Variants in PKIA observed in about 807,000 individuals in gnomAD.
The protein encoded by PKIA is PKI-alpha.
A neutral mutation model predicts 7.6 loss-of-function variants in PKIA; 4 were observed. The ratio of observed to expected loss-of-function variants is 0.52; its 90% CI spans 0.26 to 1.20. The LOEUF (loss-of-function observed/expected upper bound fraction) is 1.20, where lower values mean the gene tolerates loss of function less well. Ranked by LOEUF, PKIA falls within the 50% of genes most tolerant of loss-of-function variation. The pLI is 0.13. For missense variants in PKIA, 73 were observed against 86.2 expected, an observed-to-expected ratio of 0.85 and a Z score of 0.61; for synonymous variants, 21 against 30.7, an observed-to-expected ratio of 0.68 and a Z score of 1.04.
At chr8:78,564,136 A>G (rs1403090891) in intron 1 of PKIA, among the ~76,000 whole-genome samples, 1 of 152,024 alleles carries the variant, frequency 6.6e-6, no homozygotes, top group Non-Finnish European at 1.5e-5. Context: ...TAAAGAAGAA[A>G]GATGGGAATT....
At chr8:78,549,141 A>G (rs964049580) in intron 1 of PKIA, among the ~76,000 whole-genome samples, 1 of 152,074 alleles carries the variant, frequency 6.6e-6, no homozygotes, top group Non-Finnish European at 1.5e-5. Flanking sequence ...TGTTTATGTG[A>G]TTTAGATGAC....
chr8:78,540,446 C>T (rs889740789), intron 1 of PKIA, among the ~76,000 whole-genome samples: 1 of 151,934 alleles, frequency 6.6e-6, no homozygotes, highest in Non-Finnish European at 1.5e-5. Context: ...TAGTCAAATC[C>T]CTGCAGGGCC....
intron 1 of PKIA, among the ~76,000 whole-genome samples, chr8:78,522,432 C>G (rs1394694283): frequency 1.3e-5 from 2 of 151,762 alleles, no homozygotes; most frequent in Non-Finnish European, 2.9e-5. Context: ...TTTGAGTACT[C>G]TAGATACTGT....
At chr8:78,543,858 G>A (rs1026374970) in intron 1 of PKIA, among the ~76,000 whole-genome samples, 9 of 152,000 alleles carry the variant, frequency 5.9e-5, no homozygotes, top group Admixed American at 2.6e-4. Context: ...AGTATACTCC[G>A]TATCCTGGCA....
At chr8:78,537,325 CTA>C (rs1806553969) in intron 1 of PKIA, among the ~76,000 whole-genome samples, 4 of 152,070 alleles carry the variant, frequency 2.6e-5, no homozygotes, top group South Asian at 4.1e-4. Flanking sequence ...AAATTTATCT[CTA>C]TGAAGATTTT....
intron 2 of PKIA, among the ~76,000 whole-genome samples, chr8:78,594,049 A>G (rs1325778473): frequency 6.6e-6 from 1 of 152,140 alleles, no homozygotes; most frequent in Non-Finnish European, 1.5e-5. Context: ...ATTGTATGTG[A>G]TTAAAATATT....
At chr8:78,519,676 A>G (rs986127784) in intron 1 of PKIA, among the ~76,000 whole-genome samples, 2 of 152,068 alleles carry the variant, frequency 1.3e-5, no homozygotes, top group Non-Finnish European at 2.9e-5. Context: ...CTTGGATTCA[A>G]TATTTGTGTT....
chr8:78,601,727 G>A lies in PKIA; in HGVS notation c.152-15G>A, dbSNP rs79180810. 4,291 of 1,603,066 alleles carry A rather than the reference G, an allele frequency of 2.7e-3. 15 individuals are homozygous for A. Among genetic ancestry groups the A allele is most frequent in the Middle Eastern group, 6.3e-3 (38 of 6,020 alleles). On this transcript the variant is annotated splice_polypyrimidine_tract_variant and intron_variant, in intron 3 of 3. Coordinates refer to ENST00000396418, the MANE Select transcript of PKIA (RefSeq NM_006823.4). ...TTTATTTTGCCTTTATTCTGTTTTCGTTTTTCTTTTGCAGAAGGTGAAGAA... is the reference window on the plus strand; with the variant it reads ...TTTATTTTGCCTTTATTCTGTTTTCATTTTTCTTTTGCAGAAGGTGAAGAA...
intron 1 of PKIA, among the ~76,000 whole-genome samples, chr8:78,566,449 G>A (rs899295341): frequency 5.9e-5 from 9 of 151,918 alleles, no homozygotes; most frequent in African/African-American, 1.7e-4. Context: ...TAGCTTTTAG[G>A]TACCTGCTGT....
At position 78,522,538 on chromosome 8, in the gene PKIA, A is replaced by T. The variant is rs144340781; in HGVS notation, c.-157+6070A>T. ...TACTATCTTAAAAATGAATACAGAT[A>T]CTATAAGGAAATCAACTGAACATGA... On this transcript the variant is annotated intron_variant, in intron 1 of 3. Transcript: ENST00000396418. 8.0e-3 allele frequency among the ~76,000 whole-genome samples: 1,213 copies of T among 152,058 alleles called. 11 individuals are homozygous for T. Among genetic ancestry groups the T allele is most frequent in the African/African-American group, 0.027 (1,125 of 41,538 alleles).
intron 1 of PKIA, among the ~76,000 whole-genome samples, chr8:78,544,239 C>T (rs773580871): frequency 6.6e-6 from 1 of 152,182 alleles, no homozygotes; most frequent in Admixed American, 6.6e-5. Flanking sequence ...TCTTCTAACA[C>T]TTAACTTTAA....
Position 78,604,378 on chromosome 8 carries a change from A to T in PKIA, c.*2557A>T, listed in dbSNP as rs572579100. 2.6e-5 allele frequency: 4 copies of T among 151,946 alleles called. No homozygotes were observed. The highest frequency in any genetic ancestry group is 4.4e-5 in the Non-Finnish European group (3 of 67,932). The allele number at this position is 151,946 out of a possible 1,614,324, so 9.4% of individuals were successfully genotyped here. ...AGTAAGTGATGAACTGAGGATTTGA[A>T]CCCATGTTTGTCACCAAGGAGCTTT... On this transcript the variant is annotated 3_prime_UTR_variant, in exon 4 of 4. Transcript: ENST00000396418.
intron 1 of PKIA, among the ~76,000 whole-genome samples, chr8:78,550,393 A>T (rs1237533169): frequency 6.6e-6 from 1 of 152,166 alleles, no homozygotes; most frequent in Non-Finnish European, 1.5e-5. Flanking sequence ...TTTACAGCTC[A>T]AAGAGTCAGA....
chr8:78,549,056 T>A (rs1364256289), intron 1 of PKIA, among the ~76,000 whole-genome samples: 1 of 152,056 alleles, frequency 6.6e-6, no homozygotes, highest in African/African-American at 2.4e-5. Context: ...ATTAACACAC[T>A]AACTCTGTCA....
chr8:78,579,097 GAAACTCTTTCCACCTCT>G (rs1807744759), intron 2 of PKIA, among the ~76,000 whole-genome samples: 1 of 151,874 alleles, frequency 6.6e-6, no homozygotes, highest in South Asian at 2.1e-4. Context: ...TAGTCCATAA[GAAACTCTTTCCACCTCT>G]AACTTTAAAA....
In PKIA at chr8:78,602,034, G is replaced by A. The variant is rs1265513388; in HGVS notation, c.*213G>A. On this transcript the variant is annotated 3_prime_UTR_variant, in exon 4 of 4. Coordinates refer to ENST00000396418, the MANE Select transcript of PKIA (RefSeq NM_006823.4). ...TGTCATTAGCAATGGTTGAAATCAT[G>A]TGGCTTGTGTTTGGGCGTCATTTTT... is the stretch of plus-strand genomic sequence containing the variant. The A allele has an allele frequency of 3.6e-6, 2 of 557,568 alleles. No individual in the cohort carries two copies. Among genetic ancestry groups the A allele is most frequent in the South Asian group, 2.3e-5 (1 of 43,178 alleles). 34.5% of individuals were successfully genotyped at this position (557,568 alleles called of 1,614,324 possible).
intron 1 of PKIA, among the ~76,000 whole-genome samples, chr8:78,539,760 C>A (rs752567619): frequency 4.5e-4 from 69 of 151,840 alleles, no homozygotes; most frequent in Non-Finnish European, 8.4e-4. Flanking sequence ...TTAAAGAAAT[C>A]CTCACATTAG....
intron 2 of PKIA, among the ~76,000 whole-genome samples, chr8:78,575,082 G>A (rs758126846): frequency 1.3e-5 from 2 of 151,788 alleles, no homozygotes; most frequent in South Asian, 2.1e-4. Context: ...GGTTATCTTC[G>A]GTAACCGGGA....
intron 2 of PKIA, among the ~76,000 whole-genome samples, chr8:78,588,255 T>C (rs1000691145): frequency 6.6e-6 from 1 of 151,746 alleles, no homozygotes; most frequent in Non-Finnish European, 1.5e-5. Flanking sequence ...CTGAGGCGGG[T>C]GGATCACCTG....
Sources: allele counts gnomAD v4.1 joint callset (sites outside exome capture counted in the v4.1 genomes callset), GRCh38; gene constraint gnomAD v4.1.1; transcripts MANE v1.5; gene names NCBI Gene and HGNC (gene_info 2026-07-23, HGNC 2026-07-21).